TMEM138: variants seen among roughly 807,000 people sequenced by gnomAD.
TMEM138 encodes transmembrane protein 138.
A neutral mutation model predicts 18.1 loss-of-function variants in TMEM138; 9 were observed. That is an observed-to-expected ratio of 0.50 (90% CI 0.30 to 0.87). TMEM138 has a LOEUF of 0.87. TMEM138 is among the 40% of genes least tolerant of loss of function. The pLI, the probability that TMEM138 is intolerant of heterozygous loss-of-function variation, is 0.06. For missense variants in TMEM138, 189 were observed against 190.6 expected, an observed-to-expected ratio of 0.99 and a Z score of 0.05; for synonymous variants, 79 against 74.8, an observed-to-expected ratio of 1.06 and a Z score of -0.29.
downstream of TMEM138, among the ~76,000 whole-genome samples, chr11:61,375,602 C>T (rs1342214005): frequency 6.6e-6 from 1 of 152,156 alleles, no homozygotes; most frequent in Admixed American, 6.6e-5. Flanking sequence ...GGATTACAGG[C>T]ATTAGCCACT....
At chr11:61,369,675 T>A (rs7948623), downstream of TMEM138, among the ~76,000 whole-genome samples, 142,071 of 152,264 alleles carry the variant, frequency 0.93, 66,993 homozygotes, top group East Asian at 1. Flanking sequence ...GGGCTCACTC[T>A]TGTGTCTGTC....
At chr11:61,367,899 T>C in intron 3 of TMEM138, 24 bp from the exon 4 acceptor site, 2 of 1,549,080 alleles carry the variant, frequency 1.3e-6, no homozygotes, top group South Asian at 2.2e-5. Flanking sequence ...CCATTAACTT[T>C]TGTGTATCTC....
Position 61,368,801 on chromosome 11 carries a change from G to A in TMEM138, c.*92G>A. Reference sequence around the variant, plus strand: ...AGTTGGCCCTATGCATGGGCAAACAGCTGGACTTTCCAAGGAAGGTTCAGA... The same window carrying A: ...AGTTGGCCCTATGCATGGGCAAACAACTGGACTTTCCAAGGAAGGTTCAGA... On this transcript the variant is annotated 3_prime_UTR_variant, in exon 5 of 5. Coordinates refer to ENST00000278826, the MANE Select transcript of TMEM138 (RefSeq NM_016464.5). 1.1e-6 allele frequency: 1 copy of A among 941,440 alleles called. No individual in the cohort carries two copies. Among genetic ancestry groups the A allele is most frequent in the Admixed American group, 1.9e-5 (1 of 53,264 alleles). 58.3% of individuals were successfully genotyped at this position (941,440 alleles called of 1,614,324 possible).
chr11:61,368,074 T>A, intron 4 of TMEM138, 76 bp downstream of exon 4: 1 of 1,019,192 alleles, frequency 9.8e-7, no homozygotes, highest in Non-Finnish European at 1.6e-6. Context: ...GATGCTGGCT[T>A]CCCAGACCTG....
intron 3 of TMEM138, 59 bp downstream of exon 3, chr11:61,366,275 T>TA (rs747374981): frequency 1.3e-5 from 20 of 1,551,028 alleles, no homozygotes; most frequent in Non-Finnish European, 1.6e-5. Context: ...GGTGGGGTCT[T>TA]ACTTTGTTAC....
At chr11:61,366,007 C>T (rs1468579955) in intron 2 of TMEM138, 38 bp from the exon 3 acceptor site, 1 of 1,586,822 alleles carries the variant, frequency 6.3e-7, no homozygotes, top group African/African-American at 1.3e-5. Flanking sequence ...GGTCCTCACA[C>T]AGGCCTTCAT....
rs565970341 is a variant in TMEM138, at chr11:61,368,854, A to G, written c.*145A>G. 48 of 657,362 alleles carry G rather than the reference A, an allele frequency of 7.3e-5. 2 individuals are homozygous for G. The South Asian group carries it at 8.1e-4, about 11-fold the overall frequency. 40.7% of individuals were successfully genotyped at this position (657,362 alleles called of 1,614,324 possible). On this transcript the variant is annotated 3_prime_UTR_variant, in exon 5 of 5. Coordinates refer to ENST00000278826, the MANE Select transcript of TMEM138 (RefSeq NM_016464.5). ...AGCTGTGTTCAGCATTCAAGAAGGA[A>G]GATCCTCCCTCTTGCACAATTAGAG...
intron 4 of TMEM138, 88 bp downstream of exon 4, chr11:61,368,086 C>G (rs1565079563): frequency 4.3e-6 from 4 of 928,660 alleles, no homozygotes; most frequent in Non-Finnish European, 5.4e-6. Flanking sequence ...CCAGACCTGT[C>G]CCAGCTGGCT....
chr11:61,368,264 G>A (rs1051050010), intron 4 of TMEM138: 22 of 572,460 alleles, frequency 3.8e-5, no homozygotes, highest in African/African-American at 2.4e-4. Flanking sequence ...TTGCTCTGTC[G>A]CCCAGGCTGG....
chr11:61,373,286 A>G (rs1474980319), downstream of TMEM138, among the ~76,000 whole-genome samples: 2 of 152,220 alleles, frequency 1.3e-5, no homozygotes, highest in African/African-American at 2.4e-5. Context: ...CAGTTTCCCT[A>G]TAAATTAATC....
At chr11:61,364,707 T>C in intron 2 of TMEM138, 189 bp downstream of exon 2, 1 of 659,746 alleles carries the variant, frequency 1.5e-6, no homozygotes, top group Non-Finnish European at 2.4e-6. Flanking sequence ...CTAGGCAACA[T>C]AGCAAGACCC....
At chr11:61,373,572 G>A (rs1858393481), downstream of TMEM138, among the ~76,000 whole-genome samples, 2 of 151,508 alleles carry the variant, frequency 1.3e-5, no homozygotes, top group African/African-American at 4.8e-5. Context: ...TTTAACAATG[G>A]CCTGTGATAA....
Position 61,366,146 on chromosome 11 carries a change from A to T in TMEM138, c.230A>T (p.Lys77Met), listed in dbSNP as rs1230624479. 6.2e-7 allele frequency: 1 copy of T among 1,614,098 alleles called. No individual in the cohort carries two copies. Among genetic ancestry groups the T allele is most frequent in the African/African-American group, 1.3e-5 (1 of 74,926 alleles). ...QAGLVNLLFH[K>M]FKGTIILTAV... ...GGCCTGGTCAACCTCCTATTCCATA[A>T]GTTCAAAGGGACCATCATCCTGACA... The change falls in exon 3 of 5, where the codon AAG becomes ATG. Residue 77 changes from lysine to methionine, a missense_variant. Lys to Met is a moderately conservative substitution (Grantham distance 95). Transcript: ENST00000278826.
intron 2 of TMEM138, chr11:61,365,818 T>A (rs1207042045): frequency 2.2e-6 from 1 of 457,908 alleles, no homozygotes; most frequent in African/African-American, 2.0e-5. Context: ...AGGAAAGCCT[T>A]GACTATGGAC....
intron 2 of TMEM138, 24 bp from the exon 3 acceptor site, chr11:61,366,021 T>C (rs766373234): frequency 6.2e-7 from 1 of 1,600,924 alleles, no homozygotes; most frequent in Non-Finnish European, 8.5e-7. Flanking sequence ...CCTTCATTGG[T>C]TGTACTTTTT....
Position 61,365,919 on chromosome 11 carries a change from G to A in TMEM138, c.129-126G>A, listed in dbSNP as rs79608395. On this transcript the variant is annotated intron_variant, in intron 2 of 4. Coordinates refer to ENST00000278826, the MANE Select transcript of TMEM138 (RefSeq NM_016464.5). ...CCAAAACCCATGTTATCTCTGTGAG[G>A]GTTTAAGATGTCAGATGCCTATCTC... 18,078 of 1,219,634 alleles carry A rather than the reference G, an allele frequency of 0.015. 157 individuals carry two copies. Among genetic ancestry groups the A allele is most frequent in the Middle Eastern group, 0.018 (79 of 4,380 alleles). The allele number at this position is 1,219,634 out of a possible 1,614,324, so 75.6% of individuals were successfully genotyped here.
chr11:61,363,390 T>G (rs1316117728), intron 1 of TMEM138: 1 of 152,204 alleles, frequency 6.6e-6, no homozygotes, highest in East Asian at 1.9e-4. Flanking sequence ...AAGATGGTTG[T>G]AGGATTACGT....
At chr11:61,370,843 C>T (rs1178042480), downstream of TMEM138, among the ~76,000 whole-genome samples, 1 of 152,000 alleles carries the variant, frequency 6.6e-6, no homozygotes, top group African/African-American at 2.4e-5. Context: ...CAGCTGGGCT[C>T]GCTCATGTGT....
chr11:61,372,149 C>A (rs1858357249), downstream of TMEM138, among the ~76,000 whole-genome samples: 1 of 148,896 alleles, frequency 6.7e-6, no homozygotes, highest in South Asian at 2.1e-4. Context: ...GCCCTCCAGC[C>A]TGGGCAACAG....
Sources: gnomAD v4.1 joint callset for allele counts (sites outside exome capture counted in the v4.1 genomes callset) on GRCh38, gnomAD v4.1.1 for gene constraint, MANE v1.5 for transcripts, NCBI Gene and HGNC (gene_info 2026-07-23, HGNC 2026-07-21) for gene names.